Variants in DNAH7 observed in about 807,000 individuals in gnomAD.
DNAH7 encodes the protein axonemal beta dynein heavy chain 7.
A neutral mutation model predicts 444.6 loss-of-function variants in DNAH7; 397 were observed. That is an observed-to-expected ratio of 0.89 (90% CI 0.82 to 0.97). The LOEUF (loss-of-function observed/expected upper bound fraction) is 0.97, where lower values mean the gene tolerates loss of function less well. Ranked by LOEUF, DNAH7 falls within the 50% of genes least tolerant of loss-of-function variation. The pLI is 0.00. For synonymous variants in DNAH7, 1,636 were observed against 1,624.4 expected, an observed-to-expected ratio of 1.01 and a Z score of -0.17; for missense variants, 4,902 against 4,800.8, an observed-to-expected ratio of 1.02 and a Z score of -0.62.
At chr2:195,836,274 T>C (rs1230274985) in intron 47 of DNAH7, among the ~76,000 whole-genome samples, 1 of 152,130 alleles carries the variant, frequency 6.6e-6, no homozygotes, top group Non-Finnish European at 1.5e-5. Flanking sequence ...CCCAGTGCTT[T>C]GGGAGGCTGA....
intron 63 of DNAH7, among the ~76,000 whole-genome samples, chr2:195,749,423 G>A (rs565495675): frequency 2.0e-4 from 30 of 152,138 alleles, no homozygotes; most frequent in African/African-American, 7.0e-4. Context: ...AGTCAGTGTG[G>A]CGATTCCTCA....
At chr2:195,910,331 C>T (rs1687283745) in intron 24 of DNAH7, 136 bp from the exon 25 acceptor site, 1 of 632,142 alleles carries the variant, frequency 1.6e-6, no homozygotes, top group African/African-American at 1.9e-5. Context: ...TCCCAGTAAC[C>T]TCTGAAAATC....
At position 195,955,546 on chromosome 2, in the gene DNAH7, A is replaced by G. The variant is rs1690589683; in HGVS notation, c.3078+1715T>C. The stretch of plus-strand genomic sequence containing the variant: ...ATGAAGTGTTACTCTCCCCTCCCCA[A>G]CAGAAAATACCTATTTATTTAGAAA... On this transcript the variant is annotated intron_variant, in intron 19 of 64. Coordinates refer to ENST00000312428, the MANE Select transcript of DNAH7 (RefSeq NM_018897.3). Among the ~76,000 whole-genome samples, 5 of 152,086 alleles carry G rather than the reference A, an allele frequency of 3.3e-5. No homozygotes were observed. In the South Asian group the frequency reaches 1.0e-3, roughly 32 times the overall value.
intron 58 of DNAH7, among the ~76,000 whole-genome samples, chr2:195,779,503 T>G (rs938783217): frequency 2.0e-5 from 3 of 152,204 alleles, no homozygotes; most frequent in South Asian, 2.1e-4. Context: ...TTTGCATTTC[T>G]AGAACAATAG....
intron 62 of DNAH7, among the ~76,000 whole-genome samples, chr2:195,755,522 T>C (rs1694028238): frequency 6.6e-6 from 1 of 152,218 alleles, no homozygotes; most frequent in African/African-American, 2.4e-5. Context: ...TTCCTTAGTA[T>C]TGACTGTAGC....
At position 195,992,078 on chromosome 2, in the gene DNAH7, G is replaced by A. The variant is rs375013133; in HGVS notation, c.1354-3849C>T. On this transcript the variant is annotated intron_variant, in intron 12 of 64. Coordinates refer to ENST00000312428, the MANE Select transcript of DNAH7 (RefSeq NM_018897.3). ...GCCAGGTGAGTTGTCTTTAGATGTT[G>A]CAAAAAATCAGCTTTGTGCAGCTGG... Among the ~76,000 whole-genome samples, 394 of 152,288 alleles carry A rather than the reference G, an allele frequency of 2.6e-3. 2 individuals are homozygous for A. Among genetic ancestry groups the A allele is most frequent in the Non-Finnish European group, 1.9e-3 (129 of 68,026 alleles).
chr2:195,827,008 G>A (rs897732221), intron 48 of DNAH7, among the ~76,000 whole-genome samples: 5 of 151,802 alleles, frequency 3.3e-5, no homozygotes, highest in South Asian at 2.1e-4. Flanking sequence ...TTCCACTCTC[G>A]TCTTGTTGGC....
At chr2:196,045,580 T>A (rs573292888) in intron 5 of DNAH7, among the ~76,000 whole-genome samples, 2 of 151,978 alleles carry the variant, frequency 1.3e-5, no homozygotes, top group African/African-American at 4.8e-5. Context: ...TTGGTGGAAC[T>A]GAAATATTAA....
intron 36 of DNAH7, among the ~76,000 whole-genome samples, chr2:195,879,143 C>T (rs1376274030): frequency 6.6e-6 from 1 of 151,874 alleles, no homozygotes; most frequent in Non-Finnish European, 1.5e-5. Context: ...AATGTGAATA[C>T]AAAAGTATGA....
At chr2:195,944,485 A>G (rs779804136) in intron 19 of DNAH7, among the ~76,000 whole-genome samples, 74 of 152,160 alleles carry the variant, frequency 4.9e-4, no homozygotes, top group Non-Finnish European at 7.2e-4. Flanking sequence ...ATTACAATAT[A>G]TTGCCACTTA....
intron 50 of DNAH7, among the ~76,000 whole-genome samples, chr2:195,817,253 A>G (rs1395313586): frequency 1.3e-5 from 2 of 152,240 alleles, no homozygotes; most frequent in Admixed American, 6.5e-5. Flanking sequence ...GAGTGAATAG[A>G]AAGTAGCACT....
chr2:195,809,924 A>T, intron 51 of DNAH7, 53 bp from the exon 52 acceptor site: 1 of 1,364,940 alleles, frequency 7.3e-7, no homozygotes, highest in Non-Finnish European at 9.6e-7. Flanking sequence ...TTTAAAGATA[A>T]TGCTCTTAAG....
At position 195,873,649 on chromosome 2, in the gene DNAH7, T is replaced by C. The variant is rs1369426487; in HGVS notation, c.6332A>G (p.Asn2111Ser). 2 of 1,535,646 alleles carry C rather than the reference T, an allele frequency of 1.3e-6. No homozygotes were observed. The highest frequency in any genetic ancestry group is 8.7e-7 in the Non-Finnish European group (1 of 1,147,306). ...PVTPRYMRHF[N>S]IITINEFSDK... is the part of the protein sequence containing the mutation. Reference sequence around the variant, plus strand: ...ACTAAACTCATTGATTGTTATAATATTGAAATGTCGCATGTATCGAGGAGT... The same window carrying C: ...ACTAAACTCATTGATTGTTATAATACTGAAATGTCGCATGTATCGAGGAGT... The change falls in exon 39 of 65, where the codon AAT (asparagine) becomes AGT (serine). Residue 2111 changes from asparagine (N) to serine (S), a missense_variant. Coordinates refer to ENST00000312428, the MANE Select transcript of DNAH7 (RefSeq NM_018897.3).
chr2:196,036,090 G>A (rs930299983), intron 5 of DNAH7, among the ~76,000 whole-genome samples: 1 of 148,862 alleles, frequency 6.7e-6, no homozygotes, highest in African/African-American at 2.5e-5. Flanking sequence ...GGAGTGCAAT[G>A]GCGTGATCTC....
At chr2:195,876,732 T>A in intron 36 of DNAH7, 33 bp from the exon 37 acceptor site, 1 of 1,438,726 alleles carries the variant, frequency 7.0e-7, no homozygotes, top group African/African-American at 1.4e-5. Context: ...GAGCCATAGT[T>A]GGAATTATGT....
chr2:195,886,669 G>C (rs1228482713), intron 33 of DNAH7, among the ~76,000 whole-genome samples: 1 of 152,092 alleles, frequency 6.6e-6, no homozygotes, highest in African/African-American at 2.4e-5. Context: ...CAATACTCAT[G>C]GTAAACTCAT....
chr2:196,027,212 C>T (rs572306590), intron 6 of DNAH7, among the ~76,000 whole-genome samples: 2 of 151,986 alleles, frequency 1.3e-5, no homozygotes, highest in East Asian at 3.9e-4. Flanking sequence ...TTAACAGAGT[C>T]CATGCTGAAT....
chr2:195,970,777 A>T (rs1382354648), intron 16 of DNAH7, among the ~76,000 whole-genome samples: 2 of 152,192 alleles, frequency 1.3e-5, no homozygotes, highest in African/African-American at 2.4e-5. Context: ...ATATTCAAAA[A>T]ATTTAGGTTA....
At chr2:195,873,372 T>G (rs914988709) in intron 39 of DNAH7, among the ~76,000 whole-genome samples, 196 bp downstream of exon 39, 4 of 152,182 alleles carry the variant, frequency 2.6e-5, no homozygotes, top group Admixed American at 6.5e-5. Context: ...ACATATTACA[T>G]AGCAGAATGG....
Sources: gnomAD v4.1 joint callset for allele counts (sites outside exome capture counted in the v4.1 genomes callset) on GRCh38, gnomAD v4.1.1 for gene constraint, MANE v1.5 for transcripts, NCBI Gene and HGNC (gene_info 2026-07-23, HGNC 2026-07-21) for gene names.